The following PTPRD variants were observed in gnomAD, a reference collection of about 807,000 sequenced individuals.
The protein encoded by PTPRD is protein tyrosine phosphatase receptor type D.
Under a neutral mutation model 214.5 loss-of-function variants are expected in PTPRD, and 34 were observed. That is an observed-to-expected ratio of 0.16 (90% CI 0.12 to 0.21). The LOEUF (loss-of-function observed/expected upper bound fraction) is 0.21, where lower values mean the gene tolerates loss of function less well. Among genes scored for constraint, PTPRD ranks in the 10% least tolerant of loss-of-function variants. The pLI, the probability that PTPRD is intolerant of heterozygous loss-of-function variation, is 1.00. For synonymous variants in PTPRD, 1,128 were observed against 845.7 expected (o/e 1.33, Z -5.79); for missense variants, 2,545 against 2,398.7 (o/e 1.06, Z -1.27).
intron 5 of PTPRD, among the ~76,000 whole-genome samples, chr9:9,819,171 C>T (rs1450275387): frequency 1.3e-5 from 2 of 152,156 alleles, no homozygotes; most frequent in Non-Finnish European, 2.9e-5. Flanking sequence ...ACACTGACTT[C>T]AGCCTCTCCC....
intron 3 of PTPRD, among the ~76,000 whole-genome samples, chr9:10,233,553 C>A (rs2099619185): frequency 6.6e-6 from 1 of 151,740 alleles, no homozygotes; most frequent in African/African-American, 2.4e-5. Flanking sequence ...CATTTTATTT[C>A]AAGAAAGCCA....
intron 13 of PTPRD, among the ~76,000 whole-genome samples, chr9:8,635,701 ATGAAGGAGATTAG>A (rs2096408672): frequency 6.6e-6 from 1 of 152,124 alleles, no homozygotes; most frequent in Admixed American, 6.6e-5. Context: ...AAATTAGGTC[ATGAAGGAGATTAG>A]AAACTCAGGT....
At chr9:9,537,327 G>A (rs13298101) in intron 8 of PTPRD, among the ~76,000 whole-genome samples, 177 of 152,042 alleles carry the variant, frequency 1.2e-3, no homozygotes, top group Non-Finnish European at 2.1e-3. Context: ...GAATATGAAT[G>A]TGCATCCATG....
At chr9:9,037,531 C>T (rs1043971885) in intron 10 of PTPRD, among the ~76,000 whole-genome samples, 1 of 152,100 alleles carries the variant, frequency 6.6e-6, no homozygotes, top group African/African-American at 2.4e-5. Context: ...GTAAAACTTC[C>T]GTGCTGTGCT....
intron 9 of PTPRD, among the ~76,000 whole-genome samples, chr9:9,373,414 G>T (rs577270770): frequency 6.6e-6 from 1 of 151,952 alleles, no homozygotes; most frequent in Non-Finnish European, 1.5e-5. Flanking sequence ...GTAACAAATC[G>T]CATACTACAT....
intron 5 of PTPRD, among the ~76,000 whole-genome samples, chr9:9,826,704 T>A (rs528701013): frequency 2.8e-4 from 43 of 151,914 alleles, no homozygotes; most frequent in Non-Finnish European, 5.6e-4. Context: ...TTTAAAAAGA[T>A]CTTTTGCAAA....
chr9:10,339,161 C>T (rs886135564), intron 3 of PTPRD, among the ~76,000 whole-genome samples: 2 of 151,674 alleles, frequency 1.3e-5, no homozygotes, highest in Non-Finnish European at 1.5e-5. Context: ...AAAAAGGAAT[C>T]CTCATTAGGA....
At chr9:9,521,910 C>T (rs2096983362) in intron 8 of PTPRD, among the ~76,000 whole-genome samples, 1 of 152,070 alleles carries the variant, frequency 6.6e-6, no homozygotes, top group African/African-American at 2.4e-5. Flanking sequence ...GTAATCCTGG[C>T]ACTTTGGGAG....
At chr9:9,898,016 G>T (rs1334802478) in intron 5 of PTPRD, among the ~76,000 whole-genome samples, 1 of 151,996 alleles carries the variant, frequency 6.6e-6, no homozygotes, top group Non-Finnish European at 1.5e-5. Context: ...AGGTGGCTTT[G>T]GTGCACAAGC....
chr9:9,684,457 T>C (rs1171480505), intron 7 of PTPRD, among the ~76,000 whole-genome samples: 2 of 151,664 alleles, frequency 1.3e-5, no homozygotes, highest in Non-Finnish European at 3.0e-5. Context: ...ACATTCTCTA[T>C]GGCCTCATTT....
intron 7 of PTPRD, among the ~76,000 whole-genome samples, chr9:9,602,367 A>G (rs1406425115): frequency 6.6e-6 from 1 of 152,028 alleles, no homozygotes; most frequent in Non-Finnish European, 1.5e-5. Context: ...AATATATTTA[A>G]TTTATATTTT....
chr9:10,199,866 T>C (rs1180417468), intron 3 of PTPRD, among the ~76,000 whole-genome samples: 3 of 151,140 alleles, frequency 2.0e-5, no homozygotes, highest in South Asian at 2.1e-4. Flanking sequence ...AATACCAACA[T>C]AACTACCACT....
chr9:9,500,802 G>A (rs1256031537), intron 8 of PTPRD, among the ~76,000 whole-genome samples: 1 of 151,956 alleles, frequency 6.6e-6, no homozygotes, highest in East Asian at 1.9e-4. Flanking sequence ...AAATAATAAA[G>A]TTGTTTTGGG....
At position 9,833,678 on chromosome 9, in the gene PTPRD, CGG is replaced by C. The variant is rs1491517198; in HGVS notation, c.-367-66829_-367-66828del. ...TCAACCATAAGAGACAGGTACGCTC[CGG>C]AGAGGGGGGCAGTTCAGAGACCTAC... On this transcript the variant is annotated intron_variant, in intron 5 of 45. Transcript: ENST00000381196. 1.5e-3 allele frequency among the ~76,000 whole-genome samples: 172 copies of C among 112,988 alleles called. 2 individuals are homozygous for C. Among genetic ancestry groups the C allele is most frequent in the African/African-American group, 4.7e-3 (109 of 23,236 alleles). 74.1% of individuals were successfully genotyped at this position (112,988 alleles called of 152,430 possible).
intron 12 of PTPRD, among the ~76,000 whole-genome samples, chr9:8,670,064 T>A (rs2097252699): frequency 6.6e-6 from 1 of 151,772 alleles, no homozygotes; most frequent in African/African-American, 2.4e-5. Context: ...GAGTAAATTA[T>A]CAAAAATCAC....
chr9:10,014,137 CA>C (rs1392544583), intron 4 of PTPRD, among the ~76,000 whole-genome samples: 1 of 151,892 alleles, frequency 6.6e-6, no homozygotes. Flanking sequence ...CTTAAAGTTA[CA>C]TAACATTTCA....
chr9:8,758,789 G>C (rs113081437), intron 11 of PTPRD, among the ~76,000 whole-genome samples: 1 of 149,754 alleles, frequency 6.7e-6, no homozygotes, highest in Non-Finnish European at 1.5e-5. Context: ...ATGGAGTCTC[G>C]CTCTGTCACC....
chr9:9,742,876 A>G (rs1014775757), intron 6 of PTPRD, among the ~76,000 whole-genome samples: 2 of 152,086 alleles, frequency 1.3e-5, no homozygotes, highest in East Asian at 1.9e-4. Flanking sequence ...TTGCTTTTTT[A>G]TTGTTGTTAT....
chr9:8,422,980 T>A (rs574138588), intron 35 of PTPRD, among the ~76,000 whole-genome samples: 8 of 152,328 alleles, frequency 5.3e-5, no homozygotes, highest in East Asian at 1.9e-4. Flanking sequence ...TGCAGCCACA[T>A]AGGCACTCCT....
Sources: allele counts gnomAD v4.1 joint callset (sites outside exome capture counted in the v4.1 genomes callset), GRCh38; gene constraint gnomAD v4.1.1; transcripts MANE v1.5; gene names NCBI Gene and HGNC (gene_info 2026-07-23, HGNC 2026-07-21).